The following SAMD12 variants were observed in gnomAD, a reference collection of about 807,000 sequenced individuals.
SAMD12 encodes sterile alpha motif domain-containing protein 12.
Under a neutral mutation model 15.0 loss-of-function variants are expected in SAMD12, and 9 were observed. The observed-to-expected ratio is 0.60, with a 90% CI of 0.36 to 1.05. The LOEUF (loss-of-function observed/expected upper bound fraction) is 1.05. SAMD12 is among the 50% of genes least tolerant of loss of function. SAMD12 has a pLI of 0.01. For synonymous variants in SAMD12, 86 were observed against 90.1 expected (o/e 0.96, Z 0.25); for missense variants, 230 against 234.2 (o/e 0.98, Z 0.12).
intron 2 of SAMD12, among the ~76,000 whole-genome samples, chr8:118,528,117 C>T (rs1586789217): frequency 6.6e-6 from 1 of 152,170 alleles, no homozygotes; most frequent in South Asian, 2.1e-4. Flanking sequence ...ACCTCTGCCT[C>T]CCAGGTTCAA....
intron 2 of SAMD12, among the ~76,000 whole-genome samples, chr8:118,445,094 A>C (rs751631119): frequency 3.3e-5 from 5 of 152,160 alleles, no homozygotes; most frequent in Non-Finnish European, 7.4e-5. Context: ...TTTAGTTCCC[A>C]GTCCTCTCTT....
intron 2 of SAMD12, among the ~76,000 whole-genome samples, chr8:118,526,929 A>G (rs1825552511): frequency 6.6e-6 from 1 of 152,244 alleles, no homozygotes; most frequent in Non-Finnish European, 1.5e-5. Flanking sequence ...ACACTGGTCC[A>G]GCAACTGCAC....
intron 2 of SAMD12, among the ~76,000 whole-genome samples, chr8:118,550,079 A>T (rs1032041716): frequency 6.6e-6 from 1 of 152,214 alleles, no homozygotes; most frequent in Non-Finnish European, 1.5e-5. Flanking sequence ...GACAGGGAGA[A>T]TGGAACCAAG....
intron 3 of SAMD12, among the ~76,000 whole-genome samples, chr8:118,439,133 C>T (rs1822660088): frequency 6.6e-6 from 1 of 152,174 alleles, no homozygotes; most frequent in Non-Finnish European, 1.5e-5. Context: ...GTTCACTATC[C>T]TGGCCTATTT....
At chr8:118,157,442 T>A in the SAMD12 span, among the ~76,000 whole-genome samples, 9,941 of 152,250 alleles carry the variant, frequency 0.065, 439 homozygotes, top group South Asian at 0.19. Context: ...ATTGGTGAAG[T>A]GGGGACAAAG....
chr8:118,345,767 A>G (rs528501142), intron 4 of SAMD12, among the ~76,000 whole-genome samples: 5 of 152,230 alleles, frequency 3.3e-5, no homozygotes, highest in East Asian at 1.9e-4. Context: ...GTCAAAGGAC[A>G]GGGTAGGTTA....
intron 4 of SAMD12, among the ~76,000 whole-genome samples, chr8:118,202,698 G>C (rs1392042659): frequency 2.6e-5 from 4 of 152,090 alleles, no homozygotes; most frequent in Non-Finnish European, 5.9e-5. Context: ...TCCTTTAAAA[G>C]GGCTGTTCAG....
intron 2 of SAMD12, among the ~76,000 whole-genome samples, chr8:118,559,993 TGCTTTTTGGG>T (rs1452501240): frequency 0.025 from 3,750 of 152,310 alleles, 151 homozygotes; most frequent in African/African-American, 0.084. Context: ...AGGAATCTAA[TGCTTTTTGGG>T]AGTCATTATG....
the SAMD12 span, among the ~76,000 whole-genome samples, chr8:118,135,933 T>A: frequency 6.6e-6 from 1 of 152,100 alleles, no homozygotes; most frequent in Admixed American, 6.6e-5. Flanking sequence ...CCACACAACA[T>A]CCTCATCCTT....
At chr8:118,392,144 G>A (rs1820309828) in intron 3 of SAMD12, among the ~76,000 whole-genome samples, 1 of 152,144 alleles carries the variant, frequency 6.6e-6, no homozygotes, top group African/African-American at 2.4e-5. Flanking sequence ...AAAAAGTACT[G>A]TTGGCTGGGC....
chr8:118,379,154 G>C lies in SAMD12; in HGVS notation c.*263C>G. ...ACTATTGAATCACTCAAATGCTAAA[G>C]CGCCCTCACAATTGGCGCAGGTGAA... On this transcript the variant is annotated 3_prime_UTR_variant, in exon 4 of 4. Transcript: ENST00000314727. The C allele has an allele frequency of 8.3e-7, 1 of 1,210,934 alleles. No homozygotes were observed. The highest frequency in any genetic ancestry group is 1.5e-5 in the African/African-American group (1 of 65,986). 75.0% of individuals were successfully genotyped at this position (1,210,934 alleles called of 1,614,324 possible).
chr8:118,608,791 C>T (rs1828040325), intron 1 of SAMD12, among the ~76,000 whole-genome samples: 1 of 152,062 alleles, frequency 6.6e-6, no homozygotes, highest in South Asian at 2.1e-4. Context: ...TGAAAGGTAC[C>T]ATGTGTGAGC....
chr8:118,492,291 C>G (rs1390352012), intron 2 of SAMD12, among the ~76,000 whole-genome samples: 1 of 151,676 alleles, frequency 6.6e-6, no homozygotes, highest in African/African-American at 2.4e-5. Flanking sequence ...GAATCTTTGC[C>G]AATCAAAAAA....
chr8:118,566,259 T>C (rs1302695819), intron 2 of SAMD12, among the ~76,000 whole-genome samples: 2 of 152,206 alleles, frequency 1.3e-5, no homozygotes, highest in African/African-American at 2.4e-5. Flanking sequence ...TGCGCCCATC[T>C]TCCCGCACAG....
At chr8:118,406,601 G>C (rs1821141775) in intron 3 of SAMD12, among the ~76,000 whole-genome samples, 2 of 152,218 alleles carry the variant, frequency 1.3e-5, no homozygotes, top group South Asian at 4.2e-4. Context: ...GGACAACTCA[G>C]TAGTGTTAAC....
intron 1 of SAMD12, among the ~76,000 whole-genome samples, chr8:118,594,883 T>G (rs1586844326): frequency 1.3e-5 from 2 of 152,340 alleles, no homozygotes; most frequent in Middle Eastern, 6.8e-3. Context: ...CCTTCTCTCC[T>G]ATTCCAACAT....
intron 2 of SAMD12, among the ~76,000 whole-genome samples, chr8:118,441,104 A>G (rs576698903): frequency 1.3e-5 from 2 of 152,088 alleles, no homozygotes; most frequent in African/African-American, 2.4e-5. Context: ...ACCTGCTGAC[A>G]TGTGTGTTGT....
intron 2 of SAMD12, among the ~76,000 whole-genome samples, chr8:118,513,079 G>A (rs1825132790): frequency 6.6e-6 from 1 of 152,034 alleles, no homozygotes; most frequent in Non-Finnish European, 1.5e-5. Context: ...TTTGAGGGCA[G>A]GGATCATCTT....
intron 1 of SAMD12, among the ~76,000 whole-genome samples, chr8:118,611,313 GA>G (rs1200916221): frequency 2.0e-5 from 3 of 151,650 alleles, no homozygotes; most frequent in Non-Finnish European, 2.9e-5. Flanking sequence ...TTAGAAAGCA[GA>G]AAAAAAATGC....
Sources: allele counts gnomAD v4.1 joint callset (sites outside exome capture counted in the v4.1 genomes callset), GRCh38; gene constraint gnomAD v4.1.1; transcripts MANE v1.5; gene names NCBI Gene and HGNC (gene_info 2026-07-23, HGNC 2026-07-21).